The following CDYL variants were observed in gnomAD, a reference collection of about 807,000 sequenced individuals.
The protein encoded by CDYL is chromodomain Y like.
A neutral mutation model predicts 47.3 loss-of-function variants in CDYL; 8 were observed. That is an observed-to-expected ratio of 0.17 (90% CI 0.10 to 0.31). CDYL has a LOEUF of 0.31. CDYL is among the 10% of genes least tolerant of loss of function. CDYL has a pLI of 1.00. For synonymous variants in CDYL, 266 were observed against 265.0 expected (o/e 1.00, Z -0.04); for missense variants, 471 against 701.4 (o/e 0.67, Z 3.71).
chr6:4,844,081 G>T (rs1760582504), intron 1 of CDYL, among the ~76,000 whole-genome samples: 1 of 152,132 alleles, frequency 6.6e-6, no homozygotes, highest in Non-Finnish European at 1.5e-5. Context: ...GCCAAACCGT[G>T]GTGATTGTTT....
intron 1 of CDYL, among the ~76,000 whole-genome samples, chr6:4,836,588 C>G (rs547219641): frequency 6.6e-6 from 1 of 152,110 alleles, no homozygotes; most frequent in Admixed American, 6.5e-5. Flanking sequence ...TAAAAGATTG[C>G]TCATTAGAAT....
Position 4,776,590 on chromosome 6 carries a change from T to A in CDYL, c.-194T>A. ...CCAGGGCGCGTTGCGTAGCTGCTCC[T>A]GCGCACAACCCCGCCGCGCCGCCGG... On this transcript the variant is annotated 5_prime_UTR_variant, in exon 1 of 7. Transcript: ENST00000397588. 2 of 253,190 alleles carry A rather than the reference T, an allele frequency of 7.9e-6. No individual in the cohort carries two copies. Among genetic ancestry groups the A allele is most frequent in the Non-Finnish European group, 1.4e-5 (2 of 146,380 alleles). The allele number at this position is 253,190 out of a possible 1,614,324, so 15.7% of individuals were successfully genotyped here.
chr6:4,954,365 G>T lies in CDYL; in HGVS notation c.*309G>T, dbSNP rs1323380455. The T allele has an allele frequency of 5.4e-6, 1 of 184,866 alleles. No homozygotes were observed. Among genetic ancestry groups the T allele is most frequent in the East Asian group, 1.3e-4 (1 of 7,540 alleles). The allele number at this position is 184,866 out of a possible 1,614,324, so 11.5% of individuals were successfully genotyped here. A position where few individuals can be genotyped will look rare whatever the true frequency, so the allele number is the denominator to read the frequency against. On this transcript the variant is annotated 3_prime_UTR_variant, in exon 7 of 7. Transcript: ENST00000397588. ...CTCTAATTTTTGTTTTCTTTGGCTAGTACTGTATAAAAAACAGAATTGTGT... is the reference window on the plus strand; with the variant it reads ...CTCTAATTTTTGTTTTCTTTGGCTATTACTGTATAAAAAACAGAATTGTGT...
At chr6:4,944,917 C>T (rs1247265511) in intron 5 of CDYL, among the ~76,000 whole-genome samples, 2 of 152,136 alleles carry the variant, frequency 1.3e-5, no homozygotes, top group Non-Finnish European at 2.9e-5. Context: ...CAGCCTTCGT[C>T]GCTGCGTGGG....
At chr6:4,937,773 G>A in intron 4 of CDYL, 36 bp downstream of exon 4, 1 of 1,564,828 alleles carries the variant, frequency 6.4e-7, no homozygotes, top group Non-Finnish European at 8.7e-7. Flanking sequence ...CATTGGTTGG[G>A]TGTTTTGTTT....
chr6:4,935,003 G>A (rs1758144321), intron 2 of CDYL, among the ~76,000 whole-genome samples: 2 of 152,210 alleles, frequency 1.3e-5, no homozygotes, highest in Admixed American at 6.5e-5. Context: ...GTCCCACAGG[G>A]GTGGTGGTCT....
intron 3 of CDYL, among the ~76,000 whole-genome samples, chr6:4,765,598 C>T (rs1397239607): frequency 6.6e-6 from 1 of 150,722 alleles, no homozygotes; most frequent in Non-Finnish European, 1.5e-5. Flanking sequence ...GAGTCTTGCT[C>T]TGTCGCGCAG....
intron 3 of CDYL, among the ~76,000 whole-genome samples, chr6:4,759,200 A>T (rs759376137): frequency 6.6e-6 from 1 of 151,914 alleles, no homozygotes; most frequent in Admixed American, 6.6e-5. Context: ...CGATCTCCTG[A>T]CCTTGTGATC....
chr6:4,847,675 C>A (rs552915222), intron 1 of CDYL, among the ~76,000 whole-genome samples: 1 of 152,232 alleles, frequency 6.6e-6, no homozygotes, highest in Admixed American at 6.5e-5. Flanking sequence ...CAGTTTTCTC[C>A]AGGATCAATC....
intron 1 of CDYL, among the ~76,000 whole-genome samples, chr6:4,707,371 G>A (rs1757065593): frequency 1.3e-5 from 2 of 152,168 alleles, no homozygotes; most frequent in African/African-American, 4.8e-5. Flanking sequence ...TCTGTCTCCT[G>A]GGTTCAAGCG....
intron 1 of CDYL, among the ~76,000 whole-genome samples, chr6:4,791,512 G>A (rs79013488): frequency 0.01 from 1,550 of 152,294 alleles, 40 homozygotes; most frequent in African/African-American, 0.035. Context: ...AAAAAGTTCT[G>A]AGGATATTCT....
At chr6:4,888,575 A>T (rs563007226) in intron 1 of CDYL, among the ~76,000 whole-genome samples, 1 of 152,210 alleles carries the variant, frequency 6.6e-6, no homozygotes, top group South Asian at 2.1e-4. Flanking sequence ...TAATTTTTTT[A>T]AAAGAAACTT....
intron 1 of CDYL, among the ~76,000 whole-genome samples, chr6:4,713,848 A>G (rs1413960418): frequency 6.6e-6 from 1 of 152,192 alleles, no homozygotes; most frequent in Non-Finnish European, 1.5e-5. Flanking sequence ...TCGGCCTCCC[A>G]AAGTGCTGAG....
intron 3 of CDYL, among the ~76,000 whole-genome samples, chr6:4,763,988 T>C (rs1051415214): frequency 2.0e-5 from 3 of 151,860 alleles, no homozygotes; most frequent in African/African-American, 7.3e-5. Context: ...TCAATCAGTC[T>C]GGAACAAATC....
chr6:4,818,913 G>T (rs1759746263), intron 1 of CDYL, among the ~76,000 whole-genome samples: 1 of 152,124 alleles, frequency 6.6e-6, no homozygotes, highest in Non-Finnish European at 1.5e-5. Flanking sequence ...ATCCCTTCCT[G>T]CCTTTAAGAC....
At chr6:4,891,601 C>G (rs1393681962) in intron 1 of CDYL, 112 bp from the exon 2 acceptor site, 14 of 795,294 alleles carry the variant, frequency 1.8e-5, no homozygotes, top group South Asian at 1.7e-4. Context: ...CAGAAGAGAT[C>G]ATTTTATCAT....
intron 2 of CDYL, among the ~76,000 whole-genome samples, chr6:4,723,971 T>A (rs1297156188): frequency 6.6e-6 from 1 of 152,178 alleles, no homozygotes; most frequent in African/African-American, 2.4e-5. Context: ...AAAGAGAGAT[T>A]TATGTATCCG....
At chr6:4,934,199 C>T (rs1758116801) in intron 2 of CDYL, among the ~76,000 whole-genome samples, 1 of 152,084 alleles carries the variant, frequency 6.6e-6, no homozygotes, top group Admixed American at 6.6e-5. Context: ...GAGAACCCAG[C>T]CCAAGTGGCT....
chr6:4,930,142 G>T (rs1023067958), intron 2 of CDYL, among the ~76,000 whole-genome samples: 1 of 152,150 alleles, frequency 6.6e-6, no homozygotes, highest in Non-Finnish European at 1.5e-5. Flanking sequence ...TGAAATCTCT[G>T]CTCTGGCTGA....
Sources: allele counts gnomAD v4.1 joint callset (sites outside exome capture counted in the v4.1 genomes callset), GRCh38; gene constraint gnomAD v4.1.1; transcripts MANE v1.5; gene names NCBI Gene and HGNC (gene_info 2026-07-23, HGNC 2026-07-21).